Variants in GAB1 observed in about 807,000 individuals in gnomAD.
GAB1 encodes GRB2-associated-binding protein 1.
GAB1 carries 19 observed loss-of-function variants against 66.5 expected under a neutral mutation model. The ratio of observed to expected loss-of-function variants is 0.29; its 90% CI spans 0.20 to 0.42. The LOEUF is 0.42. Among genes scored for constraint, GAB1 ranks in the 10% least tolerant of loss-of-function variants. GAB1 has a pLI of 1.00. For missense variants in GAB1, 732 were observed against 858.5 expected (o/e 0.85, Z 1.84); for synonymous variants, 294 against 301.4 (o/e 0.98, Z 0.25).
chr4:143,468,987 A>T, intron 9 of GAB1, 44 bp from the exon 10 acceptor site: 1 of 1,597,984 alleles, frequency 6.3e-7, no homozygotes, highest in Non-Finnish European at 8.6e-7. Context: ...ACTCAGGAAC[A>T]CTCCTTTATA....
intron 1 of GAB1, among the ~76,000 whole-genome samples, chr4:143,383,852 A>C (rs570657320): frequency 6.6e-6 from 1 of 152,282 alleles, no homozygotes; most frequent in African/African-American, 2.4e-5. Context: ...AGGTAGGAGG[A>C]TCACTTGAGG....
intron 6 of GAB1, among the ~76,000 whole-genome samples, chr4:143,444,738 C>T (rs1295948099): frequency 6.6e-6 from 1 of 152,068 alleles, no homozygotes; most frequent in Non-Finnish European, 1.5e-5. Flanking sequence ...AGCACCCAAT[C>T]GTTAGTTTTT....
chr4:143,377,025 C>T (rs907045798), intron 1 of GAB1: 3 of 151,888 alleles, frequency 2.0e-5, no homozygotes, highest in Non-Finnish European at 2.9e-5. Context: ...CCTCATAATA[C>T]CTGCTCTTTG....
chr4:143,342,137 G>A (rs1728841993), intron 1 of GAB1, among the ~76,000 whole-genome samples: 1 of 152,172 alleles, frequency 6.6e-6, no homozygotes, highest in Non-Finnish European at 1.5e-5. Flanking sequence ...GATGGTTAAT[G>A]ATAGTTCATT....
rs1736026264 is a variant in GAB1 at position 143,470,555 on chromosome 4, T to G, written c.*1366T>G. On this transcript the variant is annotated 3_prime_UTR_variant, in exon 10 of 10. Transcript: ENST00000262994. ...TGACATAGATATTAAGACCACAAGT[T>G]GTAGTGAGGCTACAATTATATTCGT... The G allele has an allele frequency of 6.6e-6, 1 of 152,262 alleles. No homozygotes were observed. Among genetic ancestry groups the G allele is most frequent in the African/African-American group, 2.4e-5 (1 of 41,476 alleles). The allele number at this position is 152,262 out of a possible 1,614,324, so 9.4% of individuals were successfully genotyped here.
chr4:143,360,278 T>C (rs954252631), intron 1 of GAB1, among the ~76,000 whole-genome samples: 2 of 152,218 alleles, frequency 1.3e-5, no homozygotes, highest in Admixed American at 6.5e-5. Flanking sequence ...AATTTTTCAG[T>C]TTACATTCTC....
chr4:143,345,026 T>A (rs1728944509), intron 1 of GAB1, among the ~76,000 whole-genome samples: 3 of 152,212 alleles, frequency 2.0e-5, no homozygotes, highest in Admixed American at 6.5e-5. Flanking sequence ...TCCTGCAGTA[T>A]TATCTGGAAC....
chr4:143,428,424 C>T lies in GAB1; in HGVS notation c.368-5067C>T, dbSNP rs536565032. Among the ~76,000 whole-genome samples, 4 of 152,290 alleles carry T rather than the reference C, an allele frequency of 2.6e-5. No homozygotes were observed. In the South Asian group the frequency reaches 6.2e-4, roughly 24 times the overall value. On this transcript the variant is annotated intron_variant, in intron 2 of 9. Transcript: ENST00000262994. ...CAGATAACTGGTGGCTATAGTTATGCTTGCTAAGATTTGGGTGCATGGGAC... is the reference window on the plus strand; with the variant it reads ...CAGATAACTGGTGGCTATAGTTATGTTTGCTAAGATTTGGGTGCATGGGAC...
chr4:143,413,847 T>A (rs1000501166), intron 1 of GAB1, among the ~76,000 whole-genome samples: 2 of 143,784 alleles, frequency 1.4e-5, no homozygotes, highest in Non-Finnish European at 3.0e-5. Flanking sequence ...TTTTTTTTTT[T>A]TGAGGAGGAG....
chr4:143,340,861 T>C (rs1728801737), intron 1 of GAB1, among the ~76,000 whole-genome samples: 1 of 152,194 alleles, frequency 6.6e-6, no homozygotes. Context: ...ATGTATTCCA[T>C]TTACAGCTCC....
At chr4:143,437,462 A>T (rs1388673936) in intron 3 of GAB1, among the ~76,000 whole-genome samples, 1 of 152,212 alleles carries the variant, frequency 6.6e-6, no homozygotes, top group Non-Finnish European at 1.5e-5. Flanking sequence ...GGAAAGGAAG[A>T]TATATGAAAA....
intron 1 of GAB1, among the ~76,000 whole-genome samples, chr4:143,402,592 T>G (rs1216051856): frequency 6.6e-6 from 1 of 152,180 alleles, no homozygotes; most frequent in Non-Finnish European, 1.5e-5. Flanking sequence ...TTCGTGAAGG[T>G]CAGGTCCCAT....
intron 1 of GAB1, among the ~76,000 whole-genome samples, chr4:143,373,043 AAACAC>A (rs1472173646): frequency 8.7e-6 from 1 of 114,338 alleles, no homozygotes; most frequent in Admixed American, 8.3e-5. Context: ...TTTCCTTTAA[AAACAC>A]ACACACACAC....
intron 6 of GAB1, among the ~76,000 whole-genome samples, chr4:143,449,211 T>G (rs1734749617): frequency 1.3e-5 from 2 of 150,778 alleles, no homozygotes; most frequent in African/African-American, 4.9e-5. Flanking sequence ...TACTTCCAAC[T>G]ATGTGGTCAA....
chr4:143,338,149 T>G (rs533926697), intron 1 of GAB1, among the ~76,000 whole-genome samples: 2 of 152,216 alleles, frequency 1.3e-5, no homozygotes, highest in Non-Finnish European at 2.9e-5. Flanking sequence ...TCAACCTTGC[T>G]TTAGTGGAAA....
chr4:143,445,495 C>G (rs6833624), intron 6 of GAB1, among the ~76,000 whole-genome samples: 68,872 of 151,938 alleles, frequency 0.45, 18,910 homozygotes, highest in African/African-American at 0.78. Context: ...TTACCTCTTT[C>G]TCAGATGCAT....
At chr4:143,353,209 G>A (rs1200792842) in intron 1 of GAB1, among the ~76,000 whole-genome samples, 1 of 152,092 alleles carries the variant, frequency 6.6e-6, no homozygotes, top group Non-Finnish European at 1.5e-5. Context: ...TAGATTTCCT[G>A]GAATAGTTCT....
chr4:143,410,157 C>A (rs1340429008), intron 1 of GAB1, among the ~76,000 whole-genome samples: 2 of 151,884 alleles, frequency 1.3e-5, no homozygotes, highest in African/African-American at 4.8e-5. Context: ...CTTGCCTGCC[C>A]ATATATTGGC....
chr4:143,380,606 T>C (rs1182262184), intron 1 of GAB1: 1 of 152,216 alleles, frequency 6.6e-6, no homozygotes, highest in South Asian at 2.1e-4. Flanking sequence ...TTTTCTTTGT[T>C]AATAGAGTCT....
Sources: allele counts gnomAD v4.1 joint callset (sites outside exome capture counted in the v4.1 genomes callset), GRCh38; gene constraint gnomAD v4.1.1; transcripts MANE v1.5; gene names NCBI Gene and HGNC (gene_info 2026-07-23, HGNC 2026-07-21).